Variants in MAD2L1 observed in about 807,000 individuals in gnomAD.
The protein encoded by MAD2L1 is mitotic spindle assembly checkpoint protein MAD2A.
A neutral mutation model predicts 25.9 loss-of-function variants in MAD2L1; 10 were observed. The ratio of observed to expected loss-of-function variants is 0.39; its 90% confidence interval spans 0.24 to 0.66. MAD2L1 has a LOEUF of 0.66. MAD2L1 is among the 30% of genes least tolerant of loss of function. MAD2L1 has a pLI of 0.49. For synonymous variants in MAD2L1, 81 were observed against 91.8 expected (o/e 0.88, Z 0.67); for missense variants, 180 against 246.4 (o/e 0.73, Z 1.80).
intron 3 of MAD2L1, 68 bp downstream of exon 3, chr4:120,061,907 C>G: frequency 7.9e-7 from 1 of 1,258,068 alleles, no homozygotes; most frequent in Non-Finnish European, 1.1e-6. Flanking sequence ...AATTAGAACT[C>G]AATTAGTAAT....
At chr4:120,062,311 TACTGA>T (rs1726234560) in intron 2 of MAD2L1, among the ~76,000 whole-genome samples, 1 of 152,222 alleles carries the variant, frequency 6.6e-6, no homozygotes, top group Admixed American at 6.5e-5. Context: ...GAGGACAGAA[TACTGA>T]ACATGTGGTA....
In MAD2L1 at chr4:120,065,699, G is replaced by T. The variant is rs2193126; in HGVS notation, c.193C>A (p.Leu65Ile). ...TTCAGTTGTTCCACCACATTATTTA[G>T]GTATTTTATGAGCTCAAGATCAGTA... The part of the protein sequence containing the change: ...VTTDLELIKY[L>I]NNVVEQLKDW... Residue 65 changes from leucine to isoleucine, a missense_variant, in exon 2 of 5, where the codon CTA (leucine) becomes ATA (isoleucine). Physicochemically the swap from Leu to Ile is conservative, Grantham distance 5 (BLOSUM62 2). Transcript: ENST00000296509. The T allele has an allele frequency of 1.1e-4, 181 of 1,613,528 alleles. No homozygotes were observed. The highest frequency in any genetic ancestry group is 1.5e-4 in the Non-Finnish European group (176 of 1,179,860).
chr4:120,062,569 G>A (rs1425124501), intron 2 of MAD2L1, among the ~76,000 whole-genome samples: 2 of 152,136 alleles, frequency 1.3e-5, no homozygotes, highest in Non-Finnish European at 2.9e-5. Context: ...CTCAAATACT[G>A]CCAAGGGAAG....
rs1726141318 is a variant in MAD2L1, at chr4:120,058,121, TGCTG to T, written c.*1993_*1996del. The T allele has an allele frequency of 6.6e-6, 1 of 152,174 alleles. No individual in the cohort carries two copies. Among genetic ancestry groups the T allele is most frequent in the Non-Finnish European group, 1.5e-5 (1 of 68,100 alleles). The allele number at this position is 152,174 out of a possible 1,614,324, so 9.4% of individuals were successfully genotyped here. On this transcript the variant is annotated 3_prime_UTR_variant, in exon 5 of 5. Coordinates refer to ENST00000296509, the MANE Select transcript of MAD2L1 (RefSeq NM_002358.4). ...ATCCACCTGCCTCGGCCTCCCAAAG[TGCTG>T]GGATTACAGGCGCGAGCCACTGCGC... is the stretch of plus-strand genomic sequence containing the variant.
intron 1 of MAD2L1, 137 bp downstream of exon 1, chr4:120,066,524 GT>G: frequency 1.4e-6 from 1 of 693,030 alleles, no homozygotes; most frequent in Non-Finnish European, 2.4e-6. Flanking sequence ...GCAGCTCCAC[GT>G]TAGCAACGCG....
intron 2 of MAD2L1, chr4:120,065,451 T>A (rs1018975951): frequency 3.1e-5 from 14 of 445,080 alleles, no homozygotes; most frequent in Non-Finnish European, 4.5e-5. Context: ...GAAGACTATT[T>A]TTTTAGCCAT....
chr4:120,066,797 A>G lies in MAD2L1; in HGVS notation c.-63T>C, dbSNP rs1048634259. 6.6e-6 allele frequency: 8 copies of G among 1,215,716 alleles called. No individual in the cohort carries two copies. The Admixed American group carries it at 1.1e-4, about 17-fold the overall frequency. 75.3% of individuals were successfully genotyped at this position (1,215,716 alleles called of 1,614,324 possible). A position where few individuals can be genotyped will look rare whatever the true frequency, so the allele number is the denominator to read the frequency against. The stretch of plus-strand genomic sequence containing the variant: ...GCGGACAGCAACCACAGCGGCTCCA[A>G]CAGCACTTCCCCGCCAAGCGTTTCA... On this transcript the variant is annotated 5_prime_UTR_variant, in exon 1 of 5. Transcript: ENST00000296509.
intron 2 of MAD2L1, among the ~76,000 whole-genome samples, chr4:120,063,193 G>C (rs1726254498): frequency 1.3e-5 from 2 of 152,138 alleles, no homozygotes; most frequent in Admixed American, 1.3e-4. Flanking sequence ...AAGAGGCTTG[G>C]GATAGATGTA....
intron 2 of MAD2L1, 32 bp downstream of exon 2, chr4:120,065,640 A>C: frequency 6.2e-7 from 1 of 1,608,888 alleles, no homozygotes; most frequent in Non-Finnish European, 8.5e-7. Flanking sequence ...GAAAATCTGC[A>C]AGACTCAAAT....
chr4:120,066,159 T>C (rs913733735), intron 1 of MAD2L1, among the ~76,000 whole-genome samples: 25 of 152,252 alleles, frequency 1.6e-4, no homozygotes, highest in African/African-American at 6.0e-4. Context: ...AGTTAGCAAC[T>C]GACTGAATAG....
At chr4:120,060,704 T>G (rs1424228236) in intron 4 of MAD2L1, among the ~76,000 whole-genome samples, 170 bp downstream of exon 4, 2 of 152,156 alleles carry the variant, frequency 1.3e-5, no homozygotes. Context: ...TGGGTCTCCC[T>G]GTGGAAAGGG....
rs1194793406 is a variant in MAD2L1 at position 120,065,767 on chromosome 4, G to T, written c.125C>A (p.Thr42Asn). Residue 42 changes from threonine to asparagine, a missense_variant, in exon 2 of 5, where the codon ACC becomes AAC. Transcript: ENST00000296509. ...TCCGTATTTCTGCACTCGAGTAAAG[G>T]TTTCAGATGGATATATGCCACGCTG... The part of the protein sequence containing the change: ...LYQRGIYPSE[T>N]FTRVQKYGLT... The T allele has an allele frequency of 6.2e-7, 1 of 1,613,930 alleles. No individual in the cohort carries two copies. Among genetic ancestry groups the T allele is most frequent in the Admixed American group, 1.7e-5 (1 of 60,022 alleles).
Position 120,060,115 on chromosome 4 carries a change from T to C in MAD2L1, c.*3A>G, listed in dbSNP as rs1290878482. 1 of 1,589,250 alleles carries C rather than the reference T, an allele frequency of 6.3e-7. No homozygotes were observed. Among genetic ancestry groups the C allele is most frequent in the Non-Finnish European group, 8.6e-7 (1 of 1,163,398 alleles). ...CAATTACATTATTTTCCTCATGTCA[T>C]CCTCAGTCATTGACAGGAATTTTGT... On this transcript the variant is annotated 3_prime_UTR_variant, in exon 5 of 5. Transcript: ENST00000296509.
intron 2 of MAD2L1, 112 bp from the exon 3 acceptor site, chr4:120,062,207 A>C: frequency 3.3e-6 from 3 of 922,930 alleles, no homozygotes; most frequent in Non-Finnish European, 4.8e-6. Flanking sequence ...GCTATCTGGG[A>C]CCTCCTCCTA....
chr4:120,060,138 T>C lies in MAD2L1; in HGVS notation c.598A>G (p.Lys200Glu), dbSNP rs774246429. The C allele has an allele frequency of 6.2e-7, 1 of 1,601,970 alleles. No individual in the cohort carries two copies. The highest frequency in any genetic ancestry group is 1.1e-5 in the South Asian group (1 of 89,536). The change falls in exon 5 of 5, where the codon AAA (lysine) becomes GAA (glutamate). Residue 200 changes from lysine to glutamate, a missense_variant. Transcript: ENST00000296509. ...CATCCTCAGTCATTGACAGGAATTT[T>C]GTAGGCCACCATGCTATTTACTTTG... is the stretch of plus-strand genomic sequence containing the variant. ...IHKVNSMVAY[K>E]IPVND
chr4:120,064,579 G>C (rs1726281672), intron 2 of MAD2L1, among the ~76,000 whole-genome samples: 1 of 151,972 alleles, frequency 6.6e-6, no homozygotes, highest in African/African-American at 2.4e-5. Flanking sequence ...CCAAAGCAAA[G>C]AAAAGCACCC....
chr4:120,059,583 A>T lies in MAD2L1; in HGVS notation c.*535T>A, dbSNP rs1314464500. 6.6e-6 allele frequency: 1 copy of T among 152,266 alleles called. No homozygotes were observed. The highest frequency in any genetic ancestry group is 1.5e-5 in the Non-Finnish European group (1 of 68,060). The allele number at this position is 152,266 out of a possible 1,614,324, so 9.4% of individuals were successfully genotyped here. On this transcript the variant is annotated 3_prime_UTR_variant, in exon 5 of 5. Transcript: ENST00000296509. ...CATAGGTTCAAGTTACATAAATTAA[A>T]GTCAAATAATTGGAAACTGATTCAA...
Position 120,066,792 on chromosome 4 carries a change from C to A in MAD2L1, c.-58G>T. 1 of 1,279,470 alleles carries A rather than the reference C, an allele frequency of 7.8e-7. No homozygotes were observed. Among genetic ancestry groups the A allele is most frequent in the Non-Finnish European group, 1.1e-6 (1 of 887,234 alleles). 79.3% of individuals were successfully genotyped at this position (1,279,470 alleles called of 1,614,324 possible). On this transcript the variant is annotated 5_prime_UTR_variant, in exon 1 of 5. Transcript: ENST00000296509. The stretch of plus-strand genomic sequence containing the variant: ...ACTCCGCGGACAGCAACCACAGCGG[C>A]TCCAACAGCACTTCCCCGCCAAGCG...
At chr4:120,061,940 T>C in intron 3 of MAD2L1, 35 bp downstream of exon 3, 10 of 1,514,236 alleles carry the variant, frequency 6.6e-6, no homozygotes, top group Non-Finnish European at 8.0e-6. Flanking sequence ...TGAAAAAAAA[T>C]ATATCAAAGT....
Sources: allele counts gnomAD v4.1 joint callset (sites outside exome capture counted in the v4.1 genomes callset), GRCh38; gene constraint gnomAD v4.1.1; transcripts MANE v1.5; gene names NCBI Gene and HGNC (gene_info 2026-07-23, HGNC 2026-07-21).